The following BMP5 variants were observed in gnomAD, a reference collection of about 807,000 sequenced individuals.
BMP5 encodes bone morphogenetic protein 5.
BMP5 carries 23 observed loss-of-function variants against 46.6 expected under a neutral mutation model. That is an observed-to-expected ratio of 0.49 (90% CI 0.35 to 0.70). BMP5 has a LOEUF of 0.70. Ranked by LOEUF, BMP5 falls within the 30% of genes least tolerant of loss-of-function variation. BMP5 has a pLI of 0.00. For missense variants in BMP5, 545 were observed against 565.6 expected (o/e 0.96, Z 0.37); for synonymous variants, 204 against 191.9 (o/e 1.06, Z -0.52).
At chr6:55,757,164 TA>T (rs928382692) in intron 6 of BMP5, among the ~76,000 whole-genome samples, 2 of 151,796 alleles carry the variant, frequency 1.3e-5, no homozygotes, top group Non-Finnish European at 2.9e-5. Flanking sequence ...TTATTTATTT[TA>T]AAAAAGAAAA....
At chr6:55,758,873 C>T in intron 6 of BMP5, 132 bp downstream of exon 6, 1 of 736,222 alleles carries the variant, frequency 1.4e-6, no homozygotes, top group Non-Finnish European at 2.4e-6. Context: ...TACTTCAGCT[C>T]TAAAAAGAAA....
chr6:55,872,413 TC>T (rs1376425205), intron 1 of BMP5, among the ~76,000 whole-genome samples: 1 of 151,572 alleles, frequency 6.6e-6, no homozygotes, highest in African/African-American at 2.4e-5. Context: ...TTCTCTAGAG[TC>T]AAATGAATAA....
intron 2 of BMP5, among the ~76,000 whole-genome samples, chr6:55,802,603 T>C (rs1474309447): frequency 1.3e-5 from 2 of 151,966 alleles, no homozygotes; most frequent in African/African-American, 4.8e-5. Flanking sequence ...ATTGATAGCA[T>C]AGTAAAAGAA....
chr6:55,853,350 C>G (rs1301200741), intron 1 of BMP5, among the ~76,000 whole-genome samples: 2 of 143,860 alleles, frequency 1.4e-5, no homozygotes, highest in Non-Finnish European at 3.0e-5. Flanking sequence ...CTTTCTCTCT[C>G]TCTCTCTCTC....
chr6:55,766,745 C>T (rs1385267064), intron 4 of BMP5, among the ~76,000 whole-genome samples: 2 of 151,950 alleles, frequency 1.3e-5, no homozygotes, highest in African/African-American at 4.8e-5. Flanking sequence ...TGATTTGGCC[C>T]CTTAATAATT....
rs191307426 is a variant in BMP5 at position 55,834,583 on chromosome 6, T to G, written c.491-14736A>C. On this transcript the variant is annotated intron_variant, in intron 1 of 6. Transcript: ENST00000370830. Reference sequence around the variant, plus strand: ...TCATTTAGATTATGGCTATAAAAATTTAACTATCATTTTATTAAACTTTTT... The same window carrying G: ...TCATTTAGATTATGGCTATAAAAATGTAACTATCATTTTATTAAACTTTTT... Among the ~76,000 whole-genome samples the G allele has an allele frequency of 6.3e-4, 96 of 152,266 alleles. 1 individual carries two copies. In the East Asian group the frequency reaches 0.014, roughly 23 times the overall value.
At chr6:55,759,460 A>G (rs992886024) in intron 5 of BMP5, among the ~76,000 whole-genome samples, 3 of 151,968 alleles carry the variant, frequency 2.0e-5, no homozygotes, top group African/African-American at 7.2e-5. Flanking sequence ...ATAAGAAAAT[A>G]GCATTCTAAA....
At chr6:55,808,427 G>A (rs1380136714) in intron 2 of BMP5, among the ~76,000 whole-genome samples, 1 of 152,146 alleles carries the variant, frequency 6.6e-6, no homozygotes, top group African/African-American at 2.4e-5. Flanking sequence ...ATCTGTCCCG[G>A]TGTTGGCTCT....
chr6:55,780,164 C>T (rs1376159313), intron 3 of BMP5, among the ~76,000 whole-genome samples: 1 of 150,854 alleles, frequency 6.6e-6, no homozygotes, highest in East Asian at 2.0e-4. Flanking sequence ...AAGGAAGGGA[C>T]AAATGTAATA....
chr6:55,849,374 AG>A (rs1381802007), intron 1 of BMP5, among the ~76,000 whole-genome samples: 2 of 152,088 alleles, frequency 1.3e-5, no homozygotes, highest in African/African-American at 4.8e-5. Context: ...CACATATACC[AG>A]GGTAAGTGAA....
chr6:55,801,728 C>T (rs1412696438), intron 2 of BMP5, among the ~76,000 whole-genome samples: 1 of 152,190 alleles, frequency 6.6e-6, no homozygotes, highest in East Asian at 1.9e-4. Context: ...AAGGGCAGTA[C>T]TTCGTTCTCT....
chr6:55,809,581 A>G (rs1318745902), intron 2 of BMP5, among the ~76,000 whole-genome samples: 1 of 152,004 alleles, frequency 6.6e-6, no homozygotes, highest in East Asian at 1.9e-4. Context: ...CAATTACATG[A>G]ATATATGTAT....
At chr6:55,821,388 T>A (rs1175138260) in intron 1 of BMP5, among the ~76,000 whole-genome samples, 8 of 152,242 alleles carry the variant, frequency 5.3e-5, no homozygotes, top group South Asian at 2.1e-4. Context: ...CATATTTTTT[T>A]AAATTTTATT....
chr6:55,826,740 A>G (rs912653212), intron 1 of BMP5, among the ~76,000 whole-genome samples: 5 of 151,584 alleles, frequency 3.3e-5, no homozygotes, highest in African/African-American at 1.2e-4. Context: ...TGAAGGAGTT[A>G]ATATAATTAA....
chr6:55,803,168 C>T (rs924873742), intron 2 of BMP5, among the ~76,000 whole-genome samples: 2 of 149,842 alleles, frequency 1.3e-5, no homozygotes, highest in African/African-American at 4.9e-5. Context: ...GGGGGGCAGG[C>T]GCCTGTAATC....
intron 2 of BMP5, among the ~76,000 whole-genome samples, chr6:55,814,994 G>A (rs925782630): frequency 9.9e-5 from 15 of 151,992 alleles, no homozygotes; most frequent in African/African-American, 3.4e-4. Flanking sequence ...TTAGCCAGGT[G>A]TGGTGGTGGG....
chr6:55,812,691 T>G (rs1776164085), intron 2 of BMP5, among the ~76,000 whole-genome samples: 1 of 152,172 alleles, frequency 6.6e-6, no homozygotes, highest in African/African-American at 2.4e-5. Flanking sequence ...ACCCACAACT[T>G]TGACACAGAA....
chr6:55,819,624 C>G (rs377479446), intron 2 of BMP5, 31 bp downstream of exon 2: 134 of 1,547,372 alleles, frequency 8.7e-5, no homozygotes, highest in Non-Finnish European at 1.2e-4. Flanking sequence ...ATATATTTGC[C>G]AGGATAATAA....
intron 4 of BMP5, among the ~76,000 whole-genome samples, chr6:55,768,607 C>T (rs1032659966): frequency 1.3e-5 from 2 of 151,872 alleles, no homozygotes; most frequent in African/African-American, 2.4e-5. Context: ...TTGAAGAGCA[C>T]CTGTATACCA....
Sources: gnomAD v4.1 joint callset for allele counts (sites outside exome capture counted in the v4.1 genomes callset) on GRCh38, gnomAD v4.1.1 for gene constraint, MANE v1.5 for transcripts, NCBI Gene and HGNC (gene_info 2026-07-23, HGNC 2026-07-21) for gene names.